Variants in ROBO2 observed in about 807,000 individuals in gnomAD.
The protein encoded by ROBO2 is roundabout guidance receptor 2, also known as roundabout homolog 2.
A neutral mutation model predicts 160.8 loss-of-function variants in ROBO2; 53 were observed. That is an observed-to-expected ratio of 0.33 (90% CI 0.26 to 0.41). The LOEUF is 0.41. ROBO2 is among the 10% of genes least tolerant of loss of function. The pLI is 1.00. For synonymous variants in ROBO2, 664 were observed against 611.7 expected, an observed-to-expected ratio of 1.09 and a Z score of -1.26; for missense variants, 1,577 against 1,722.4, an observed-to-expected ratio of 0.92 and a Z score of 1.49.
intron 2 of ROBO2, among the ~76,000 whole-genome samples, chr3:76,892,058 G>A (rs771759322): frequency 2.0e-5 from 3 of 150,308 alleles, no homozygotes; most frequent in Non-Finnish European, 4.4e-5. Context: ...AGGAATGTGG[G>A]ACATTGATGA....
intron 2 of ROBO2, among the ~76,000 whole-genome samples, chr3:76,961,091 AT>A (rs1374125434): frequency 6.6e-6 from 1 of 151,992 alleles, no homozygotes; most frequent in Non-Finnish European, 1.5e-5. Flanking sequence ...GTTGGGGCCC[AT>A]TTTCAATCAG....
Position 76,548,614 on chromosome 3 carries a change from A to G in ROBO2, c.110-549400A>G, listed in dbSNP as rs866776545. Among the ~76,000 whole-genome samples the G allele has an allele frequency of 8.1e-5, 12 of 148,558 alleles. 1 individual carries two copies. The highest frequency in any genetic ancestry group is 6.9e-3 in the Middle Eastern group (2 of 288). ...AGAAATTCCATCGCTTATCACTTTT[A>G]TTCCTGGGAACCAGAGGGAGGATTT... On this transcript the variant is annotated intron_variant, in intron 2 of 26. Transcript: ENST00000487694.
rs2149974383 is a variant in ROBO2 at position 77,085,847 on chromosome 3, T to A, written c.62-12167T>A. Among the ~76,000 whole-genome samples, 2 of 152,238 alleles carry A rather than the reference T, an allele frequency of 1.3e-5. 1 individual carries two copies. Among genetic ancestry groups the A allele is most frequent in the East Asian group, 3.9e-4 (2 of 5,180 alleles). On this transcript the variant is annotated intron_variant, in intron 1 of 25. Coordinates refer to ENST00000461745, the Ensembl canonical transcript of ROBO2. ...TTGCTTTAAAAGGATGAGAATGATTTTGTTTTGACCATCTCTTGAAACTAC... is the reference window on the plus strand; with the variant it reads ...TTGCTTTAAAAGGATGAGAATGATTATGTTTTGACCATCTCTTGAAACTAC...
intron 2 of ROBO2, among the ~76,000 whole-genome samples, chr3:76,429,227 C>A (rs1401343980): frequency 1.3e-5 from 2 of 151,818 alleles, no homozygotes; most frequent in East Asian, 3.9e-4. Context: ...AGGAACAATA[C>A]AATGTATTGT....
chr3:77,380,229 G>C (rs1248214824), intron 2 of ROBO2, among the ~76,000 whole-genome samples: 1 of 152,116 alleles, frequency 6.6e-6, no homozygotes, highest in Non-Finnish European at 1.5e-5. Context: ...TTTTTTGGAA[G>C]AAATCAAAAT....
intron 9 of ROBO2, among the ~76,000 whole-genome samples, chr3:77,561,104 T>C (rs921226170): frequency 6.6e-6 from 1 of 152,132 alleles, no homozygotes; most frequent in Non-Finnish European, 1.5e-5. Context: ...CCAGAGCAAT[T>C]TGGAACTTAA....
At chr3:76,230,307 A>G (rs1271142750) in intron 2 of ROBO2, among the ~76,000 whole-genome samples, 1 of 151,440 alleles carries the variant, frequency 6.6e-6, no homozygotes, top group Non-Finnish European at 1.5e-5. Flanking sequence ...ATTTTCTTGT[A>G]TTTCTCATTT....
chr3:76,343,003 T>G (rs767748714), intron 2 of ROBO2, among the ~76,000 whole-genome samples: 17 of 152,210 alleles, frequency 1.1e-4, no homozygotes, highest in Non-Finnish European at 2.1e-4. Context: ...TTGATAGTTG[T>G]GATTCAAATT....
At chr3:77,403,349 A>G (rs1001192748) in intron 2 of ROBO2, among the ~76,000 whole-genome samples, 3 of 152,168 alleles carry the variant, frequency 2.0e-5, no homozygotes, top group African/African-American at 7.2e-5. Flanking sequence ...GAAACCTCTG[A>G]CCAACATTTC....
intron 5 of ROBO2, among the ~76,000 whole-genome samples, chr3:77,515,845 GAACTATTTTTCTAA>G (rs1251214260): frequency 3.3e-5 from 5 of 151,650 alleles, no homozygotes; most frequent in Admixed American, 1.3e-4. Flanking sequence ...GGATAACAAA[GAACTATTTTTCTAA>G]TATTAAAATT....
At chr3:77,557,662 T>C (rs771801344) in intron 8 of ROBO2, among the ~76,000 whole-genome samples, 4 of 151,924 alleles carry the variant, frequency 2.6e-5, no homozygotes, top group Non-Finnish European at 5.9e-5. Flanking sequence ...CTTTATAAAA[T>C]GTCAGAATTT....
At chr3:77,268,638 T>C (rs947632225) in intron 2 of ROBO2, among the ~76,000 whole-genome samples, 1 of 152,230 alleles carries the variant, frequency 6.6e-6, no homozygotes, top group Non-Finnish European at 1.5e-5. Flanking sequence ...ATATTAGGAA[T>C]ACCAGTCAGT....
At chr3:76,739,957 C>T (rs182776754) in intron 2 of ROBO2, among the ~76,000 whole-genome samples, 42 of 152,214 alleles carry the variant, frequency 2.8e-4, no homozygotes, top group Non-Finnish European at 5.6e-4. Flanking sequence ...GTGCTTGTAG[C>T]ACATAAAAAT....
chr3:77,273,988 G>GTT lies in ROBO2; in HGVS notation c.388+175656_388+175657dup, dbSNP rs11371495. On this transcript the variant is annotated intron_variant, in intron 2 of 25. Transcript: ENST00000461745. ...CCTAGACAAGTTGATACTTTTTCCTGTTTTTTTTTCCCATAAGTTAAAGCT... is the reference window on the plus strand; with the variant it reads ...CCTAGACAAGTTGATACTTTTTCCTGTTTTTTTTTTTCCCATAAGTTAAAGCT... 2.7e-4 allele frequency among the ~76,000 whole-genome samples: 41 copies of GTT among 150,510 alleles called. No homozygotes were observed. The South Asian group carries it at 2.7e-3, about 10-fold the overall frequency.
At chr3:76,115,332 C>A (rs924206662) in intron 2 of ROBO2, among the ~76,000 whole-genome samples, 1 of 152,040 alleles carries the variant, frequency 6.6e-6, no homozygotes, top group Middle Eastern at 3.2e-3. Context: ...ATCCACTTTG[C>A]GTAATACAAT....
intron 2 of ROBO2, among the ~76,000 whole-genome samples, chr3:77,106,224 GT>G (rs1196421850): frequency 6.6e-6 from 1 of 152,012 alleles, no homozygotes; most frequent in African/African-American, 2.4e-5. Context: ...TGTATTTTTA[GT>G]AGAGATGGGA....
chr3:77,091,996 TA>T (rs1188694991), intron 1 of ROBO2: 1 of 134,828 alleles, frequency 7.4e-6, no homozygotes, highest in Non-Finnish European at 1.5e-5. Flanking sequence ...AATAAATAAA[TA>T]AATAAATAAA....
At chr3:76,639,233 C>A (rs1182949482) in intron 2 of ROBO2, among the ~76,000 whole-genome samples, 7 of 151,528 alleles carry the variant, frequency 4.6e-5, no homozygotes, top group African/African-American at 1.7e-4. Flanking sequence ...TTTACATATA[C>A]AGACGTGCAT....
intron 2 of ROBO2, among the ~76,000 whole-genome samples, chr3:75,980,008 T>C (rs916222415): frequency 6.6e-6 from 1 of 151,542 alleles, no homozygotes; most frequent in African/African-American, 2.4e-5. Flanking sequence ...TAAAAATCAG[T>C]CAGTGACATT....
Sources: allele counts gnomAD v4.1 joint callset (sites outside exome capture counted in the v4.1 genomes callset), GRCh38; gene constraint gnomAD v4.1.1; transcripts MANE v1.5; gene names NCBI Gene and HGNC (gene_info 2026-07-23, HGNC 2026-07-21).